Variants in BMP6 observed in about 807,000 individuals in gnomAD.
BMP6 encodes the protein VG-1-R.
A neutral mutation model predicts 54.1 loss-of-function variants in BMP6; 17 were observed. The ratio of observed to expected loss-of-function variants is 0.31; its 90% CI spans 0.22 to 0.47. The LOEUF (loss-of-function observed/expected upper bound fraction) is 0.47. Ranked by LOEUF, BMP6 falls within the 20% of genes least tolerant of loss-of-function variation. The probability of loss-of-function intolerance (pLI) is 1.00; values close to 1 mark genes in which losing one functional copy is unlikely to be tolerated. For synonymous variants in BMP6, 328 were observed against 291.2 expected, an observed-to-expected ratio of 1.13 and a Z score of -1.28; for missense variants, 720 against 690.4, an observed-to-expected ratio of 1.04 and a Z score of -0.48.
chr6:7,800,390 T>G (rs1282705327), intron 1 of BMP6, among the ~76,000 whole-genome samples: 1 of 152,214 alleles, frequency 6.6e-6, no homozygotes, highest in Non-Finnish European at 1.5e-5. Flanking sequence ...TAATCAATAA[T>G]GTCCATAAAA....
At chr6:7,735,292 A>C (rs1487210161) in intron 1 of BMP6, among the ~76,000 whole-genome samples, 3 of 152,224 alleles carry the variant, frequency 2.0e-5, no homozygotes, top group Non-Finnish European at 2.9e-5. Context: ...TGGAAAAAAA[A>C]TTCTGATTTG....
chr6:7,804,376 C>T lies in BMP6; in HGVS notation c.665-40764C>T, dbSNP rs186477488. 3.2e-3 allele frequency among the ~76,000 whole-genome samples: 490 copies of T among 152,128 alleles called. 1 individual carries two copies. The highest frequency in any genetic ancestry group is 5.1e-3 in the Non-Finnish European group (346 of 67,992). ...CCATCTGGCCATGCAAACTGGCTTTCACACTCCTTTCTTTCTTTCTTTCCT... is the reference window on the plus strand; with the variant it reads ...CCATCTGGCCATGCAAACTGGCTTTTACACTCCTTTCTTTCTTTCTTTCCT... On this transcript the variant is annotated intron_variant, in intron 1 of 6. Coordinates refer to ENST00000283147, the MANE Select transcript of BMP6 (RefSeq NM_001718.6).
intron 1 of BMP6, among the ~76,000 whole-genome samples, chr6:7,728,539 C>A (rs904265109): frequency 1.7e-4 from 26 of 152,336 alleles, no homozygotes; most frequent in African/African-American, 5.8e-4. Context: ...GTTTTCTCAT[C>A]TGTAAATGAG....
intron 1 of BMP6, among the ~76,000 whole-genome samples, chr6:7,821,372 T>G (rs1471120282): frequency 6.6e-6 from 1 of 152,188 alleles, no homozygotes; most frequent in African/African-American, 2.4e-5. Context: ...CCAACTCTTT[T>G]GTCATCTCTG....
chr6:7,790,514 C>CAAAAAAA (rs35572440), intron 1 of BMP6, among the ~76,000 whole-genome samples: 7 of 73,500 alleles, frequency 9.5e-5, no homozygotes, highest in East Asian at 4.2e-4. Flanking sequence ...GACCCTGTCT[C>CAAAAAAA]AAAAAAAAAA....
At chr6:7,770,655 C>A (rs771272430) in intron 1 of BMP6, among the ~76,000 whole-genome samples, 1 of 152,182 alleles carries the variant, frequency 6.6e-6, no homozygotes, top group Non-Finnish European at 1.5e-5. Context: ...GTTTTCTGAA[C>A]CTTTTGATTC....
chr6:7,803,765 C>A (rs867184510), intron 1 of BMP6, among the ~76,000 whole-genome samples: 2 of 151,950 alleles, frequency 1.3e-5, no homozygotes, highest in African/African-American at 4.8e-5. Context: ...ATTTAACTTG[C>A]GAAATCAGGT....
chr6:7,741,297 T>C (rs1217969353), intron 1 of BMP6, among the ~76,000 whole-genome samples: 1 of 152,052 alleles, frequency 6.6e-6, no homozygotes, highest in Non-Finnish European at 1.5e-5. Context: ...TTATCATTAT[T>C]ATTATTATTA....
chr6:7,821,202 G>A (rs1449047250), intron 1 of BMP6, among the ~76,000 whole-genome samples: 1 of 152,200 alleles, frequency 6.6e-6, no homozygotes, highest in Admixed American at 6.5e-5. Flanking sequence ...TTTCCACCTT[G>A]TTCTATCCAG....
intron 1 of BMP6, among the ~76,000 whole-genome samples, chr6:7,777,469 C>T (rs527643849): frequency 6.0e-4 from 92 of 152,208 alleles, no homozygotes; most frequent in African/African-American, 2.0e-3. Flanking sequence ...CAGTGGAATG[C>T]CCCCCTCTGG....
chr6:7,762,439 G>A (rs1334112436), intron 1 of BMP6, among the ~76,000 whole-genome samples: 1 of 152,196 alleles, frequency 6.6e-6, no homozygotes, highest in Admixed American at 6.5e-5. Context: ...GTAGTCCTGG[G>A]CACTGACTTT....
At chr6:7,732,675 A>G (rs970377513) in intron 1 of BMP6, among the ~76,000 whole-genome samples, 21 of 143,366 alleles carry the variant, frequency 1.5e-4, no homozygotes, top group African/African-American at 5.4e-4. Flanking sequence ...AATACTGGCT[A>G]TCAAATGTAG....
chr6:7,801,542 A>G (rs1428941116), intron 1 of BMP6, among the ~76,000 whole-genome samples: 1 of 152,142 alleles, frequency 6.6e-6, no homozygotes, highest in African/African-American at 2.4e-5. Flanking sequence ...GTCACGTTTC[A>G]TCCACAGGCT....
chr6:7,781,421 T>C (rs564740842), intron 1 of BMP6, among the ~76,000 whole-genome samples: 1 of 144,224 alleles, frequency 6.9e-6, no homozygotes, highest in South Asian at 2.1e-4. Flanking sequence ...ATTTTTGCTG[T>C]GTTTGTACAG....
chr6:7,818,024 T>A (rs899283398), intron 1 of BMP6, among the ~76,000 whole-genome samples: 5 of 152,224 alleles, frequency 3.3e-5, no homozygotes, highest in Non-Finnish European at 7.3e-5. Flanking sequence ...CATTTATAAT[T>A]GGACTGGATA....
chr6:7,866,437 A>C (rs1218144250), intron 4 of BMP6, among the ~76,000 whole-genome samples: 2 of 152,136 alleles, frequency 1.3e-5, no homozygotes, highest in Non-Finnish European at 2.9e-5. Context: ...GGTAGCTCTC[A>C]CTTGGGGTTC....
chr6:7,855,494 G>A (rs1759211249), intron 2 of BMP6, among the ~76,000 whole-genome samples: 3 of 147,774 alleles, frequency 2.0e-5, no homozygotes, highest in African/African-American at 7.5e-5. Flanking sequence ...TTCCAGCTCT[G>A]CCCTTGCTGG....
chr6:7,810,690 A>G (rs965218754), intron 1 of BMP6, among the ~76,000 whole-genome samples: 2 of 152,244 alleles, frequency 1.3e-5, no homozygotes, highest in Non-Finnish European at 2.9e-5. Flanking sequence ...GTCATTCACT[A>G]TACTTAATAA....
rs1180264210 is a variant in BMP6, at chr6:7,880,681, G to A, written c.*338G>A. On this transcript the variant is annotated 3_prime_UTR_variant, in exon 7 of 7. Coordinates refer to ENST00000283147, the MANE Select transcript of BMP6 (RefSeq NM_001718.6). ...AGCTGTAGATCAAGCTATTTGGGGT[G>A]TTTGTTAGTAAATAGGGAAAATAAT... 1 of 333,748 alleles carries A rather than the reference G, an allele frequency of 3.0e-6. No individual in the cohort carries two copies. The highest frequency in any genetic ancestry group is 5.6e-6 in the Non-Finnish European group (1 of 178,426). The allele number at this position is 333,748 out of a possible 1,614,324, so 20.7% of individuals were successfully genotyped here. A position where few individuals can be genotyped will look rare whatever the true frequency, so the allele number is the denominator to read the frequency against.
Sources: allele counts gnomAD v4.1 joint callset (sites outside exome capture counted in the v4.1 genomes callset), GRCh38; gene constraint gnomAD v4.1.1; transcripts MANE v1.5; gene names NCBI Gene and HGNC (gene_info 2026-07-23, HGNC 2026-07-21).